ACAN: variants seen among roughly 807,000 people sequenced by gnomAD.
ACAN encodes the protein aggrecan core protein.
A neutral mutation model predicts 169.1 loss-of-function variants in ACAN; 47 were observed. The ratio of observed to expected loss-of-function variants is 0.28; its 90% CI spans 0.22 to 0.35. The LOEUF is 0.35. Ranked by LOEUF, ACAN falls within the 10% of genes least tolerant of loss-of-function variation. The probability of loss-of-function intolerance (pLI) is 1.00; values close to 1 mark genes in which losing one functional copy is unlikely to be tolerated. For missense variants in ACAN, 2,716 were observed against 2,759.9 expected (o/e 0.98, Z 0.36); for synonymous variants, 1,115 against 1,112.2 (o/e 1.00, Z -0.05).
intron 1 of ACAN, among the ~76,000 whole-genome samples, 176 bp from the exon 2 acceptor site, chr15:88,836,024 G>A (rs1896493423): frequency 6.6e-6 from 1 of 152,232 alleles, no homozygotes; most frequent in Non-Finnish European, 1.5e-5. Context: ...TGAAGGTTTT[G>A]TGAGGGAAGG....
chr15:88,860,508 G>T, intron 13 of ACAN, 69 bp downstream of exon 13: 4 of 1,418,664 alleles, frequency 2.8e-6, no homozygotes, highest in Non-Finnish European at 2.9e-6. Flanking sequence ...CCCCCAAAGG[G>T]TCCCCAGGTG....
In ACAN at chr15:88,847,490, G is replaced by A. The variant is rs376343318; in HGVS notation, c.1604+73G>A. On this transcript the variant is annotated intron_variant, in intron 8 of 18. Coordinates refer to ENST00000560601, the MANE Select transcript of ACAN (RefSeq NM_001369268.1). ...GCTTAAGGAGCCACAGCCTGACACC[G>A]CCCCCAGCACACTGAGCACCCAATA... is the stretch of plus-strand genomic sequence containing the variant. 6.1e-4 allele frequency: 874 copies of A among 1,438,440 alleles called. 3 individuals carry two copies. The African/African-American group carries it at 0.011, about 19-fold the overall frequency. The allele number at this position is 1,438,440 out of a possible 1,614,324, so 89.1% of individuals were successfully genotyped here.
chr15:88,826,384 T>A (rs1896221714), intron 1 of ACAN, among the ~76,000 whole-genome samples: 1 of 149,526 alleles, frequency 6.7e-6, no homozygotes, highest in Non-Finnish European at 1.5e-5. Flanking sequence ...CTTTTTTTTT[T>A]TTTTTTTTTG....
intron 11 of ACAN, 98 bp downstream of exon 11, chr15:88,852,131 T>C: frequency 6.8e-7 from 1 of 1,471,614 alleles, no homozygotes; most frequent in South Asian, 1.4e-5. Context: ...TCCCTGGGAT[T>C]TGTGCTGTTT....
In ACAN at chr15:88,814,888, C is replaced by T. The variant is rs1414706138; in HGVS notation, c.-8+11079C>T. ...CCGAACTCTGCCTCCATCCCCTGTC[C>T]TCCTCTCCTGGGACTAGGGAGTGGG... On this transcript the variant is annotated intron_variant, in intron 1 of 18. Transcript: ENST00000560601. The surrounding 1 kb of genome is among the most constrained non-coding windows in gnomAD (Gnocchi z 4.0). Among the ~76,000 whole-genome samples, 1 of 152,146 alleles carries T rather than the reference C, an allele frequency of 6.6e-6. No homozygotes were observed. Among genetic ancestry groups the T allele is most frequent in the Non-Finnish European group, 1.5e-5 (1 of 68,026 alleles).
At position 88,843,520 on chromosome 15, in the gene ACAN, G is replaced by A. The variant is rs747767483; in HGVS notation, c.923G>A (p.Arg308His). The change falls in exon 6 of 19, where the codon CGC becomes CAC. Residue 308 changes from arginine (R) to histidine (H), a missense_variant. By Grantham distance (29) the Arg-to-His change is conservative. Transcript: ENST00000560601. The surrounding 1 kb of genome is among the most constrained non-coding windows in gnomAD (Gnocchi z 4.0). ...GGCTGGCTGGCCGACCGCAGCGTGC[G>A]CTACCCCATCTCCAAGGCCCGGCCC... ...SAGWLADRSVRYPISKARPNC... is the reference protein window; with the variant it reads ...SAGWLADRSVHYPISKARPNC... 10 of 1,612,522 alleles carry A rather than the reference G, an allele frequency of 6.2e-6. No individual in the cohort carries two copies. Among genetic ancestry groups the A allele is most frequent in the South Asian group, 4.4e-5 (4 of 91,052 alleles).
chr15:88,803,864 G>A (rs1453350062), intron 1 of ACAN, 55 bp downstream of exon 1: 2 of 152,370 alleles, frequency 1.3e-5, no homozygotes, highest in Admixed American at 1.3e-4. Context: ...CGGCGAGCCA[G>A]GAACGGGACT....
At position 88,873,796 on chromosome 15, in the gene ACAN, C is replaced by G. The variant is rs1185998798; in HGVS notation, c.7448-46C>G. The G allele has an allele frequency of 1.9e-6, 3 of 1,593,818 alleles. No homozygotes were observed. The highest frequency in any genetic ancestry group is 2.6e-6 in the Non-Finnish European group (3 of 1,167,496). On this transcript the variant is annotated intron_variant, in intron 17 of 18. Coordinates refer to ENST00000560601, the MANE Select transcript of ACAN (RefSeq NM_001369268.1). The surrounding 1 kb of genome is among the most constrained non-coding windows in gnomAD (Gnocchi z 7.5). ...CGGGTCACAACCAGCATAGGTCATC[C>G]CAGGAGACCCTATGAGACCCTTTAT...
chr15:88,847,318 G>C lies in ACAN; in HGVS notation c.1505G>C (p.Arg502Pro), dbSNP rs144835580. Reference protein sequence around the residue: ...TFEEAQQACLRTGAVIASPEQ... With the variant: ...TFEEAQQACLPTGAVIASPEQ... ...GAGGAGGCACAGCAGGCCTGCCTGC[G>C]CACGGGGGCGGTCATTGCCTCGCCG... Residue 502 changes from arginine to proline, a missense_variant, in exon 8 of 19, where the codon CGC (arginine) becomes CCC (proline). Coordinates refer to ENST00000560601, the MANE Select transcript of ACAN (RefSeq NM_001369268.1). 2.6e-5 allele frequency: 41 copies of C among 1,577,170 alleles called. 1 individual carries two copies. In the East Asian group the frequency reaches 8.6e-4, roughly 33 times the overall value.
intron 1 of ACAN, among the ~76,000 whole-genome samples, chr15:88,829,227 G>A (rs558798590): frequency 6.6e-6 from 1 of 152,356 alleles, no homozygotes; most frequent in Admixed American, 6.5e-5. Context: ...GAAAGAGGAG[G>A]AAATATCAAA....
At chr15:88,827,080 C>G (rs1896242597) in intron 1 of ACAN, among the ~76,000 whole-genome samples, 1 of 152,148 alleles carries the variant, frequency 6.6e-6, no homozygotes, top group Non-Finnish European at 1.5e-5. Context: ...ATACAGCAGG[C>G]CCTTCCTAAA....
intron 13 of ACAN, among the ~76,000 whole-genome samples, chr15:88,865,478 T>G (rs928976855): frequency 6.6e-6 from 1 of 151,086 alleles, no homozygotes; most frequent in Admixed American, 6.5e-5. Flanking sequence ...TGTTAAAGAA[T>G]TCACATGTTT....
intron 1 of ACAN, among the ~76,000 whole-genome samples, chr15:88,806,453 G>A (rs1013252011): frequency 6.6e-6 from 1 of 151,932 alleles, no homozygotes; most frequent in African/African-American, 2.4e-5. Context: ...CCAGGTTCAA[G>A]TGATTCTTGT....
At chr15:88,816,005 A>G (rs1424874742) in intron 1 of ACAN, among the ~76,000 whole-genome samples, 1 of 152,182 alleles carries the variant, frequency 6.6e-6, no homozygotes, top group African/African-American at 2.4e-5. Flanking sequence ...TTCTGGTGGC[A>G]GCTGTCAATC....
chr15:88,809,934 T>C (rs1339043164), intron 1 of ACAN, among the ~76,000 whole-genome samples: 1 of 152,184 alleles, frequency 6.6e-6, no homozygotes, highest in Non-Finnish European at 1.5e-5. Flanking sequence ...GTTGAAGTCA[T>C]GATAAAGTAA....
Position 88,874,708 on chromosome 15 carries a change from T to TATAA in ACAN, c.*228_*231dup, listed in dbSNP as rs1381616013. 3 of 631,384 alleles carry TATAA rather than the reference T, an allele frequency of 4.8e-6. No individual in the cohort carries two copies. Among genetic ancestry groups the TATAA allele is most frequent in the Non-Finnish European group, 8.7e-6 (3 of 344,132 alleles). The allele number at this position is 631,384 out of a possible 1,614,324, so 39.1% of individuals were successfully genotyped here. On this transcript the variant is annotated 3_prime_UTR_variant, in exon 19 of 19. Transcript: ENST00000560601. This position sits in a 1 kb window ranked among gnomAD's most constrained non-coding sequence, Gnocchi z 7.3. ...GAATGCCAAAGCAAAGCAAACTTAT[T>TATAA]ATAACCCTTGGACTGAGTTTAGAGA...
chr15:88,847,390 C>A lies in ACAN; in HGVS notation c.1577C>A (p.Ala526Asp), dbSNP rs1440707959. 2 of 1,584,252 alleles carry A rather than the reference C, an allele frequency of 1.3e-6. No homozygotes were observed. Among genetic ancestry groups the A allele is most frequent in the Admixed American group, 1.7e-5 (1 of 57,248 alleles). The change falls in exon 8 of 19, where the codon GCC becomes GAC. Residue 526 changes from alanine (A) to aspartate (D), a missense_variant. This residue lies in a region of ACAN where 1,283 missense variants were observed against 1,281.5 expected (regional missense o/e 1.00). Coordinates refer to ENST00000560601, the MANE Select transcript of ACAN (RefSeq NM_001369268.1). ...AYEAGYEQCD[A>D]GWLRDQTVRY... is the part of the protein sequence containing the mutation. ...GAAGCAGGCTATGAGCAGTGTGACG[C>A]CGGCTGGCTGCGGGACCAGACCGTC...
rs148320028 is a variant in ACAN, at chr15:88,838,675, C to G, written c.83C>G (p.Ser28Trp). ...CTCTCCCACACAGACCATGACAACTCGCTGAGTGTCAGCATCCCCCAACCG... is the reference window on the plus strand; with the variant it reads ...CTCTCCCACACAGACCATGACAACTGGCTGAGTGTCAGCATCCCCCAACCG... ...VTVETSDHDN[S>W]LSVSIPQPSP... Residue 28 changes from serine (S) to tryptophan (W), a missense_variant, in exon 3 of 19, where the codon TCG (serine) becomes TGG (tryptophan). Around this residue, in one of 3 missense-constraint regions of ACAN, gnomAD observed 1,283 missense variants for 1,281.5 expected, o/e 1.00. Transcript: ENST00000560601. The surrounding 1 kb of genome is among the most constrained non-coding windows in gnomAD (Gnocchi z 5.1). 3.9e-5 allele frequency: 61 copies of G among 1,584,144 alleles called. No individual in the cohort carries two copies. In the East Asian group the frequency reaches 1.3e-3, roughly 35 times the overall value.
chr15:88,849,987 C>A lies in ACAN; in HGVS notation c.2026+256C>A, dbSNP rs755726559. On this transcript the variant is annotated intron_variant, in intron 10 of 18. Transcript: ENST00000560601. This position sits in a 1 kb window ranked among gnomAD's most constrained non-coding sequence, Gnocchi z 5.1. ...GTATTTATGTCTACTAGAAATGAAGCAGACCTGAATTTGAGTTATGGCTCT... is the reference window on the plus strand; with the variant it reads ...GTATTTATGTCTACTAGAAATGAAGAAGACCTGAATTTGAGTTATGGCTCT... 1.0e-4 allele frequency: 65 copies of A among 619,550 alleles called. No homozygotes were observed. Among genetic ancestry groups the A allele is most frequent in the Admixed American group, 1.1e-4 (4 of 37,056 alleles). 38.4% of individuals were successfully genotyped at this position (619,550 alleles called of 1,614,324 possible).
Sources: gnomAD v4.1 joint callset for allele counts (sites outside exome capture counted in the v4.1 genomes callset) on GRCh38, gnomAD v4.1.1 for gene constraint, gnomAD v4.1.1 regional missense constraint, Gnocchi (gnomAD v3.1) non-coding constraint, MANE v1.5 for transcripts, NCBI Gene and HGNC (gene_info 2026-07-23, HGNC 2026-07-21) for gene names.